The following APBB1IP variants were observed in gnomAD, a reference collection of about 807,000 sequenced individuals.
APBB1IP encodes the protein amyloid beta A4 precursor protein-binding family B member 1-interacting protein.
In APBB1IP, 27 loss-of-function variants were observed where a neutral mutation model predicts 64.9. The observed-to-expected ratio is 0.42, with a 90% confidence interval of 0.31 to 0.57. The LOEUF is 0.57. APBB1IP is among the 20% of genes least tolerant of loss of function. The pLI is 0.20. For missense variants in APBB1IP, 812 were observed against 845.5 expected, an observed-to-expected ratio of 0.96 and a Z score of 0.49; for synonymous variants, 392 against 331.0, an observed-to-expected ratio of 1.18 and a Z score of -2.00.
At chr10:26,563,852 A>G (rs1389506968) in intron 14 of APBB1IP, among the ~76,000 whole-genome samples, 2 of 152,108 alleles carry the variant, frequency 1.3e-5, no homozygotes, top group African/African-American at 2.4e-5. Context: ...TGTTCTCATT[A>G]TCTTCTCAAG....
chr10:26,491,040 A>T (rs766054792), intron 2 of APBB1IP, among the ~76,000 whole-genome samples: 12 of 152,156 alleles, frequency 7.9e-5, no homozygotes, highest in Non-Finnish European at 1.8e-4. Context: ...GCACTTTGGG[A>T]AGTCGAGGCG....
chr10:26,444,915 T>C (rs1361249726), intron 2 of APBB1IP, among the ~76,000 whole-genome samples: 3 of 151,942 alleles, frequency 2.0e-5, no homozygotes, highest in East Asian at 3.9e-4. Context: ...CTGGCCAACA[T>C]GGTGAAACCC....
chr10:26,468,109 A>G (rs1034400852), intron 2 of APBB1IP, among the ~76,000 whole-genome samples: 6 of 152,224 alleles, frequency 3.9e-5, no homozygotes, highest in Non-Finnish European at 5.9e-5. Context: ...CAACATCCAC[A>G]GTAAATGAAA....
intron 10 of APBB1IP, among the ~76,000 whole-genome samples, chr10:26,540,214 G>A (rs1338472910): frequency 6.6e-6 from 1 of 152,162 alleles, no homozygotes; most frequent in Non-Finnish European, 1.5e-5. Flanking sequence ...AGAATTCTCT[G>A]CAGCCATAAA....
intron 2 of APBB1IP, among the ~76,000 whole-genome samples, chr10:26,483,516 G>C (rs909311236): frequency 3.3e-5 from 5 of 152,144 alleles, no homozygotes; most frequent in Non-Finnish European, 7.4e-5. Flanking sequence ...TAGAGAGCAA[G>C]GGGAGATTTC....
At chr10:26,489,505 T>C (rs2132428358) in intron 2 of APBB1IP, among the ~76,000 whole-genome samples, 1 of 152,310 alleles carries the variant, frequency 6.6e-6, no homozygotes, top group Admixed American at 6.5e-5. Context: ...AGTGCTAGCT[T>C]TGCAGGGTGG....
intron 2 of APBB1IP, among the ~76,000 whole-genome samples, chr10:26,470,874 C>T (rs1835708202): frequency 1.3e-5 from 2 of 152,082 alleles, no homozygotes; most frequent in Admixed American, 1.3e-4. Flanking sequence ...TAATCTCTCA[C>T]CAACCTCAGC....
intron 4 of APBB1IP, among the ~76,000 whole-genome samples, chr10:26,499,868 T>A (rs750629715): frequency 9.2e-5 from 14 of 152,222 alleles, no homozygotes; most frequent in Non-Finnish European, 1.5e-4. Flanking sequence ...AATCCCATAA[T>A]TTTTTAACTC....
chr10:26,535,842 T>C lies in APBB1IP; in HGVS notation c.901-232T>C, dbSNP rs16927104. Among the ~76,000 whole-genome samples, 624 of 152,176 alleles carry C rather than the reference T, an allele frequency of 4.1e-3. 6 individuals carry two copies. The highest frequency in any genetic ancestry group is 0.014 in the African/African-American group (588 of 41,508). ...GGTTTAATGGCCCACGGTCACAGAGTTAAGTGGTGAAGAGGCCTTGAGGTC... is the reference window on the plus strand; with the variant it reads ...GGTTTAATGGCCCACGGTCACAGAGCTAAGTGGTGAAGAGGCCTTGAGGTC... On this transcript the variant is annotated intron_variant, in intron 9 of 14. Coordinates refer to ENST00000376236, the MANE Select transcript of APBB1IP (RefSeq NM_019043.4).
intron 8 of APBB1IP, among the ~76,000 whole-genome samples, chr10:26,524,933 TTTTCTTTCTC>T (rs1836451174): frequency 1.3e-5 from 2 of 148,210 alleles, no homozygotes; most frequent in Non-Finnish European, 3.0e-5. Context: ...ATTTCTTTCT[TTTTCTTTCTC>T]TTTCTTTCTT....
At chr10:26,557,417 G>A (rs1006319492) in intron 11 of APBB1IP, among the ~76,000 whole-genome samples, 2 of 152,208 alleles carry the variant, frequency 1.3e-5, no homozygotes, top group Non-Finnish European at 2.9e-5. Context: ...TTCTGAGGCC[G>A]AGTGACCTAC....
At chr10:26,454,214 G>T (rs575919729) in intron 2 of APBB1IP, among the ~76,000 whole-genome samples, 2 of 152,312 alleles carry the variant, frequency 1.3e-5, no homozygotes, top group African/African-American at 4.8e-5. Flanking sequence ...GCTGAGGCAG[G>T]TGAATCACTT....
chr10:26,541,697 G>A lies in APBB1IP; in HGVS notation c.1155+5G>A. The stretch of plus-strand genomic sequence containing the variant: ...GACTATTGCTTTGTTTTAAAGGTAT[G>A]TTATAAGAAGTCATTCATTTAGATT... On this transcript the variant is annotated splice_donor_5th_base_variant and intron_variant, in intron 11 of 14. Transcript: ENST00000376236. 1 of 1,544,924 alleles carries A rather than the reference G, an allele frequency of 6.5e-7. No individual in the cohort carries two copies. Among genetic ancestry groups the A allele is most frequent in the Non-Finnish European group, 8.8e-7 (1 of 1,138,294 alleles).
At chr10:26,458,245 G>C (rs1364368439) in intron 2 of APBB1IP, among the ~76,000 whole-genome samples, 1 of 152,132 alleles carries the variant, frequency 6.6e-6, no homozygotes, top group Non-Finnish European at 1.5e-5. Flanking sequence ...AAAATTAGCT[G>C]AGCGAGGTGG....
chr10:26,516,260 T>C (rs1363202187), intron 8 of APBB1IP, among the ~76,000 whole-genome samples: 26 of 151,916 alleles, frequency 1.7e-4, no homozygotes, highest in Admixed American at 1.6e-3. Context: ...AGGGCTTCAA[T>C]ATTTAAAGGG....
chr10:26,555,436 C>G (rs931198619), intron 11 of APBB1IP, among the ~76,000 whole-genome samples: 2 of 151,914 alleles, frequency 1.3e-5, no homozygotes, highest in Admixed American at 1.3e-4. Context: ...TTCCAAAGAC[C>G]CTCTCTTGGC....
chr10:26,484,596 C>T (rs1588580777), intron 2 of APBB1IP, among the ~76,000 whole-genome samples: 1 of 152,314 alleles, frequency 6.6e-6, no homozygotes, highest in East Asian at 1.9e-4. Flanking sequence ...TGAGCCACTG[C>T]ACCAGGCCTT....
At chr10:26,441,745 C>A (rs894159213) in intron 2 of APBB1IP, among the ~76,000 whole-genome samples, 1 of 152,160 alleles carries the variant, frequency 6.6e-6, no homozygotes, top group Admixed American at 6.5e-5. Flanking sequence ...TTCCGTGACT[C>A]AGTTTTAAAA....
chr10:26,533,330 G>A lies in APBB1IP; in HGVS notation c.814-109G>A, dbSNP rs1836577572. Reference sequence around the variant, plus strand: ...CTGATATCATATGCTCTGGTTCCCTGTTTGTTTCACACACTTAACATCTTC... The same window carrying A: ...CTGATATCATATGCTCTGGTTCCCTATTTGTTTCACACACTTAACATCTTC... On this transcript the variant is annotated intron_variant, in intron 8 of 14. Transcript: ENST00000376236. 3 of 576,326 alleles carry A rather than the reference G, an allele frequency of 5.2e-6. 1 individual carries two copies. In the South Asian group the frequency reaches 1.0e-4, roughly 20 times the overall value. The allele number at this position is 576,326 out of a possible 1,614,324, so 35.7% of individuals were successfully genotyped here.
Sources: allele counts gnomAD v4.1 joint callset (sites outside exome capture counted in the v4.1 genomes callset), GRCh38; gene constraint gnomAD v4.1.1; transcripts MANE v1.5; gene names NCBI Gene and HGNC (gene_info 2026-07-23, HGNC 2026-07-21).